The following WDR7 variants were observed in gnomAD, a reference collection of about 807,000 sequenced individuals.
WDR7 encodes WD repeat domain 7.
WDR7 carries 46 observed loss-of-function variants against 169.4 expected under a neutral mutation model. The observed-to-expected ratio is 0.27, with a 90% CI of 0.21 to 0.35. The LOEUF (loss-of-function observed/expected upper bound fraction) is 0.35. Among genes scored for constraint, WDR7 ranks in the 10% least tolerant of loss-of-function variants. WDR7 has a pLI of 1.00. For missense variants in WDR7, 1,534 were observed against 1,859.3 expected, an observed-to-expected ratio of 0.83 and a Z score of 3.22; for synonymous variants, 612 against 666.8, an observed-to-expected ratio of 0.92 and a Z score of 1.27.
intron 26 of WDR7, among the ~76,000 whole-genome samples, chr18:56,986,248 A>G (rs2047718303): frequency 6.6e-6 from 1 of 151,782 alleles, no homozygotes; most frequent in South Asian, 2.1e-4. Flanking sequence ...TAATACTGAT[A>G]GCGATATGTT....
At chr18:56,978,406 T>C (rs1329370367) in intron 26 of WDR7, among the ~76,000 whole-genome samples, 7 of 152,232 alleles carry the variant, frequency 4.6e-5, no homozygotes, top group Non-Finnish European at 8.8e-5. Flanking sequence ...AGTGCTACTA[T>C]ATATCAGACA....
At chr18:56,730,809 A>G (rs2026568994) in intron 13 of WDR7, among the ~76,000 whole-genome samples, 1 of 152,082 alleles carries the variant, frequency 6.6e-6, no homozygotes, top group South Asian at 2.1e-4. Context: ...TAAGTAAAGT[A>G]GTTGTAAGTA....
chr18:56,750,400 G>C (rs932550112), intron 14 of WDR7, among the ~76,000 whole-genome samples: 10 of 152,152 alleles, frequency 6.6e-5, no homozygotes, highest in African/African-American at 2.4e-4. Flanking sequence ...TAGCAAATTT[G>C]AGGTCTTTTC....
intron 17 of WDR7, among the ~76,000 whole-genome samples, chr18:56,778,938 G>T (rs1408845540): frequency 6.6e-6 from 1 of 152,144 alleles, no homozygotes; most frequent in East Asian, 1.9e-4. Flanking sequence ...CTTAATGAGA[G>T]GTCCTCTGAC....
At chr18:56,684,261 G>A (rs970620555) in intron 5 of WDR7, among the ~76,000 whole-genome samples, 1 of 152,130 alleles carries the variant, frequency 6.6e-6, no homozygotes, top group African/African-American at 2.4e-5. Flanking sequence ...GGCAGAGCTG[G>A]CAGGAGACAG....
chr18:56,840,710 T>C (rs1490988799), intron 20 of WDR7, among the ~76,000 whole-genome samples: 1 of 151,710 alleles, frequency 6.6e-6, no homozygotes, highest in Admixed American at 6.6e-5. Context: ...TCCCAGCTAC[T>C]CTGGAGGCTA....
intron 16 of WDR7, among the ~76,000 whole-genome samples, chr18:56,764,943 C>A (rs965429667): frequency 1.3e-5 from 2 of 152,062 alleles, no homozygotes; most frequent in African/African-American, 4.8e-5. Context: ...GGTGCATAAA[C>A]CTTTGGAATT....
intron 26 of WDR7, among the ~76,000 whole-genome samples, chr18:57,006,715 G>A (rs1031464129): frequency 1.3e-5 from 2 of 152,126 alleles, no homozygotes; most frequent in Non-Finnish European, 2.9e-5. Flanking sequence ...ATAATTAGTA[G>A]TAAAGTATCC....
At chr18:56,783,597 G>A (rs755565625) in intron 19 of WDR7, among the ~76,000 whole-genome samples, 5 of 152,134 alleles carry the variant, frequency 3.3e-5, no homozygotes, top group Non-Finnish European at 5.9e-5. Context: ...AAATGGACTC[G>A]TGTGAAGTAG....
rs1392959233 is a variant in WDR7 at position 56,703,217 on chromosome 18, G to A, written c.1578+6755G>A. On this transcript the variant is annotated intron_variant, in intron 12 of 27. Transcript: ENST00000254442. Reference sequence around the variant, plus strand: ...ATTAGATTCCCGGCTCCTAGAAACAGGTATGCTAATATGAATGGAACACGT... The same window carrying A: ...ATTAGATTCCCGGCTCCTAGAAACAAGTATGCTAATATGAATGGAACACGT... Among the ~76,000 whole-genome samples the A allele has an allele frequency of 2.0e-5, 3 of 152,134 alleles. 1 individual carries two copies. Among genetic ancestry groups the A allele is most frequent in the South Asian group, 2.1e-4 (1 of 4,828 alleles).
chr18:56,700,366 C>T (rs2025800838), intron 12 of WDR7, among the ~76,000 whole-genome samples: 1 of 141,510 alleles, frequency 7.1e-6, no homozygotes, highest in Non-Finnish European at 1.5e-5. Context: ...AAGTGATTCT[C>T]CTGCCTCAGT....
intron 18 of WDR7, among the ~76,000 whole-genome samples, chr18:56,781,331 A>G (rs886588216): frequency 2.0e-5 from 3 of 152,232 alleles, no homozygotes; most frequent in African/African-American, 7.2e-5. Flanking sequence ...TTTCAGTGAA[A>G]TCATTAATTA....
chr18:56,963,955 A>G (rs1490185960), intron 26 of WDR7, among the ~76,000 whole-genome samples: 4 of 151,940 alleles, frequency 2.6e-5, no homozygotes, highest in African/African-American at 9.7e-5. Flanking sequence ...AAAAAGAACA[A>G]GGTGACCTTG....
chr18:56,906,856 C>CT (rs2046485198), intron 21 of WDR7, among the ~76,000 whole-genome samples: 1 of 152,180 alleles, frequency 6.6e-6, no homozygotes, highest in African/African-American at 2.4e-5. Context: ...CTTCTTTCTA[C>CT]TTTTGCTTAT....
chr18:56,662,267 A>G (rs1372000248), intron 1 of WDR7, among the ~76,000 whole-genome samples: 2 of 152,242 alleles, frequency 1.3e-5, no homozygotes, highest in East Asian at 3.8e-4. Context: ...TAGGATAGAA[A>G]TACGTCCTGC....
rs1345650248 is a variant in WDR7, at chr18:56,717,986, G to A, written c.1601G>A (p.Cys534Tyr). 1 of 1,613,678 alleles carries A rather than the reference G, an allele frequency of 6.2e-7. No individual in the cohort carries two copies. Among genetic ancestry groups the A allele is most frequent in the African/African-American group, 1.3e-5 (1 of 74,890 alleles). Residue 534 changes from cysteine to tyrosine, a missense_variant, in exon 13 of 28, where the codon TGC becomes TAC. Transcript: ENST00000254442. The stretch of plus-strand genomic sequence containing the variant: ...CAGGCAAGAGTACAGCACTGCATCT[G>A]CTCTGTAGCCAGTGACCACTCAGTA... ...NCSARVQHCI[C>Y]SVASDHSVGL...
intron 20 of WDR7, among the ~76,000 whole-genome samples, chr18:56,838,454 G>C (rs1454012677): frequency 2.0e-5 from 3 of 152,172 alleles, no homozygotes; most frequent in Non-Finnish European, 4.4e-5. Flanking sequence ...TGCTGATAGA[G>C]TATGGACACA....
intron 13 of WDR7, among the ~76,000 whole-genome samples, chr18:56,719,776 T>C (rs1457584630): frequency 6.6e-6 from 1 of 152,140 alleles, no homozygotes. Flanking sequence ...TAGCTAACAC[T>C]GTGATCTATT....
chr18:56,698,764 T>G lies in WDR7; in HGVS notation c.1578+2302T>G, dbSNP rs147828266. Among the ~76,000 whole-genome samples the G allele has an allele frequency of 1.6e-3, 241 of 152,292 alleles. 1 individual carries two copies. The highest frequency in any genetic ancestry group is 5.6e-3 in the African/African-American group (231 of 41,570). On this transcript the variant is annotated intron_variant, in intron 12 of 27. Transcript: ENST00000254442. Reference sequence around the variant, plus strand: ...CTAAACTTGGACAAGCCAAAAGCGGTAGTTGGCCTGGAGAATATGAGGAAA... The same window carrying G: ...CTAAACTTGGACAAGCCAAAAGCGGGAGTTGGCCTGGAGAATATGAGGAAA...
Sources: gnomAD v4.1 joint callset for allele counts (sites outside exome capture counted in the v4.1 genomes callset) on GRCh38, gnomAD v4.1.1 for gene constraint, MANE v1.5 for transcripts, NCBI Gene and HGNC (gene_info 2026-07-23, HGNC 2026-07-21) for gene names.